RIMS2: variants seen among roughly 807,000 people sequenced by gnomAD.
RIMS2 encodes regulating synaptic membrane exocytosis 2.
A neutral mutation model predicts 174.4 loss-of-function variants in RIMS2; 59 were observed. The ratio of observed to expected loss-of-function variants is 0.34; its 90% CI spans 0.27 to 0.42. RIMS2 has a LOEUF of 0.42. RIMS2 is among the 10% of genes least tolerant of loss of function. The pLI is 1.00. For synonymous variants in RIMS2, 606 were observed against 572.5 expected, an observed-to-expected ratio of 1.06 and a Z score of -0.84; for missense variants, 1,620 against 1,666.3, an observed-to-expected ratio of 0.97 and a Z score of 0.48.
At chr8:103,704,390 G>A (rs1177197408) in intron 2 of RIMS2, among the ~76,000 whole-genome samples, 1 of 151,680 alleles carries the variant, frequency 6.6e-6, no homozygotes, top group Non-Finnish European at 1.5e-5. Context: ...TTGCATCTAT[G>A]TTCGTTCATC....
At chr8:103,710,854 T>A (rs1337168300) in intron 2 of RIMS2, among the ~76,000 whole-genome samples, 1 of 152,168 alleles carries the variant, frequency 6.6e-6, no homozygotes, top group Non-Finnish European at 1.5e-5. Context: ...TTTTAGAAAG[T>A]GATTCTTAAG....
chr8:103,526,129 A>G (rs1386554309), intron 1 of RIMS2, among the ~76,000 whole-genome samples: 1 of 152,186 alleles, frequency 6.6e-6, no homozygotes, highest in African/African-American at 2.4e-5. Flanking sequence ...GTTTGAATTC[A>G]TGGTCCACTG....
chr8:103,628,171 G>A (rs998584038), intron 1 of RIMS2, among the ~76,000 whole-genome samples: 3 of 151,994 alleles, frequency 2.0e-5, no homozygotes, highest in Non-Finnish European at 2.9e-5. Flanking sequence ...AGAAACTATG[G>A]CTGGTTCCAG....
chr8:103,911,711 A>G (rs1282181863), intron 5 of RIMS2, among the ~76,000 whole-genome samples: 1 of 152,092 alleles, frequency 6.6e-6, no homozygotes, highest in African/African-American at 2.4e-5. Context: ...CTTCCCGTGA[A>G]TTTTTATTTT....
intron 14 of RIMS2, among the ~76,000 whole-genome samples, chr8:103,946,238 T>A (rs2083736489): frequency 6.6e-6 from 1 of 152,308 alleles, no homozygotes; most frequent in Admixed American, 6.5e-5. Flanking sequence ...ATGCCTGTAA[T>A]CCCAGCACTT....
intron 19 of RIMS2, among the ~76,000 whole-genome samples, chr8:104,231,298 C>A (rs189793271): frequency 6.2e-4 from 94 of 152,206 alleles, no homozygotes; most frequent in Middle Eastern, 3.4e-3. Flanking sequence ...AGATTTACAT[C>A]TCCTACTAAG....
intron 1 of RIMS2, among the ~76,000 whole-genome samples, chr8:103,508,968 T>C (rs557886160): frequency 6.6e-6 from 1 of 152,206 alleles, no homozygotes; most frequent in East Asian, 1.9e-4. Context: ...CTTATCTCAC[T>C]TATAGTTAGC....
At chr8:103,556,365 A>G (rs1036560347) in intron 1 of RIMS2, among the ~76,000 whole-genome samples, 1 of 152,178 alleles carries the variant, frequency 6.6e-6, no homozygotes, top group Non-Finnish European at 1.5e-5. Flanking sequence ...TTGATCCAAA[A>G]TAGCTATTCA....
chr8:103,583,215 A>G (rs1359751646), intron 1 of RIMS2, among the ~76,000 whole-genome samples: 1 of 152,240 alleles, frequency 6.6e-6, no homozygotes, highest in Admixed American at 6.5e-5. Flanking sequence ...TGTAAGAACC[A>G]CAGTGTTACT....
At chr8:104,223,592 G>T in intron 19 of RIMS2, 2 of 1,499,638 alleles carry the variant, frequency 1.3e-6, no homozygotes, top group Non-Finnish European at 8.9e-7. Flanking sequence ...CGGACGCTGC[G>T]CCCCAGCCGC....
intron 1 of RIMS2, among the ~76,000 whole-genome samples, chr8:103,588,951 C>G (rs929959754): frequency 1.3e-5 from 2 of 151,718 alleles, no homozygotes; most frequent in African/African-American, 2.4e-5. Flanking sequence ...GCAAAGGATA[C>G]AATCAACAAA....
Position 103,975,520 on chromosome 8 carries a change from CTTATT to C in RIMS2, c.2927+21_2927+25del. 6.2e-7 allele frequency: 1 copy of C among 1,603,038 alleles called. No homozygotes were observed. ...TCCTCCACAAAGGTAAGATAGACTA[CTTATT>C]TTATTTGTAGGGTGGCTGTATTAGT... On this transcript the variant is annotated intron_variant, in intron 16 of 23. Transcript: ENST00000504942.
chr8:104,103,333 G>A (rs888268781), intron 19 of RIMS2, among the ~76,000 whole-genome samples: 3 of 152,078 alleles, frequency 2.0e-5, no homozygotes, highest in Non-Finnish European at 2.9e-5. Flanking sequence ...CTTTGTGAAT[G>A]TTCTAAAAGC....
intron 3 of RIMS2, among the ~76,000 whole-genome samples, chr8:103,836,978 T>A (rs2154483778): frequency 6.6e-6 from 1 of 152,362 alleles, no homozygotes; most frequent in South Asian, 2.1e-4. Flanking sequence ...CATGAGCATA[T>A]GAATCTTTTA....
chr8:103,750,471 C>G (rs1394941647), intron 2 of RIMS2, among the ~76,000 whole-genome samples: 2 of 152,038 alleles, frequency 1.3e-5, no homozygotes, highest in East Asian at 3.9e-4. Context: ...GGATTGTTTG[C>G]AACTCAATGG....
chr8:103,765,655 T>G (rs1483434115), intron 2 of RIMS2, among the ~76,000 whole-genome samples: 1 of 152,054 alleles, frequency 6.6e-6, no homozygotes, highest in Admixed American at 6.6e-5. Flanking sequence ...AAAAGCCCCC[T>G]TAAGAATATA....
intron 19 of RIMS2, among the ~76,000 whole-genome samples, chr8:104,078,153 A>C (rs1249776918): frequency 1.4e-5 from 2 of 143,346 alleles, no homozygotes; most frequent in East Asian, 3.9e-4. Flanking sequence ...AACAAACAAA[A>C]AAAACAAACC....
At chr8:104,049,288 G>A (rs1439171993) in intron 19 of RIMS2, among the ~76,000 whole-genome samples, 1 of 152,118 alleles carries the variant, frequency 6.6e-6, no homozygotes, top group East Asian at 1.9e-4. Context: ...CGGGGTGGGC[G>A]TGTGCCTGTA....
At chr8:103,636,041 C>G (rs575807742) in intron 1 of RIMS2, among the ~76,000 whole-genome samples, 1 of 152,158 alleles carries the variant, frequency 6.6e-6, no homozygotes, top group Non-Finnish European at 1.5e-5. Flanking sequence ...TGGATCCCTT[C>G]TACTCCAGGT....
Sources: allele counts gnomAD v4.1 joint callset (sites outside exome capture counted in the v4.1 genomes callset), GRCh38; gene constraint gnomAD v4.1.1; transcripts MANE v1.5; gene names NCBI Gene and HGNC (gene_info 2026-07-23, HGNC 2026-07-21).